The following SBF2 variants were observed in gnomAD, a reference collection of about 807,000 sequenced individuals.
SBF2 encodes myotubularin-related protein 13.
Under a neutral mutation model 225.2 loss-of-function variants are expected in SBF2, and 112 were observed. The observed-to-expected ratio is 0.50, with a 90% CI of 0.43 to 0.58. SBF2 has a LOEUF of 0.58. SBF2 is among the 20% of genes least tolerant of loss of function. The pLI, the probability that SBF2 is intolerant of heterozygous loss-of-function variation, is 0.00. For missense variants in SBF2, 1,996 were observed against 2,206.2 expected (o/e 0.90, Z 1.91); for synonymous variants, 763 against 773.3 (o/e 0.99, Z 0.22).
chr11:10,101,657 CTCTGTG>C (rs1036003034), intron 2 of SBF2, among the ~76,000 whole-genome samples: 2 of 94,174 alleles, frequency 2.1e-5, no homozygotes, highest in Non-Finnish European at 4.7e-5. Flanking sequence ...CTCTCTCTCG[CTCTGTG>C]TGTGTGTGTG....
At chr11:10,028,169 C>T (rs947454308) in intron 6 of SBF2, among the ~76,000 whole-genome samples, 1 of 152,068 alleles carries the variant, frequency 6.6e-6, no homozygotes, top group African/African-American at 2.4e-5. Context: ...CTGCCTCGGC[C>T]TCCCAAAGTA....
chr11:10,227,657 C>T (rs935020191), intron 1 of SBF2, among the ~76,000 whole-genome samples: 4 of 152,134 alleles, frequency 2.6e-5, no homozygotes, highest in African/African-American at 9.7e-5. Context: ...TTTCTGAGGG[C>T]TCTGTTCTGT....
intron 2 of SBF2, among the ~76,000 whole-genome samples, chr11:10,064,894 A>G (rs1478557677): frequency 2.0e-5 from 3 of 152,214 alleles, no homozygotes; most frequent in African/African-American, 7.2e-5. Context: ...GAGGATATAG[A>G]CGATCTGAAC....
At chr11:9,976,165 C>T (rs1946675485) in intron 13 of SBF2, among the ~76,000 whole-genome samples, 1 of 151,018 alleles carries the variant, frequency 6.6e-6, no homozygotes, top group Admixed American at 6.6e-5. Context: ...CCTTTGCCTC[C>T]CAGGTTCAAG....
At chr11:9,923,236 G>T (rs905278939) in intron 16 of SBF2, among the ~76,000 whole-genome samples, 1 of 152,002 alleles carries the variant, frequency 6.6e-6, no homozygotes, top group Non-Finnish European at 1.5e-5. Context: ...CTTTATACTA[G>T]ATCTCTCCCT....
At chr11:10,003,588 T>C (rs1208821124) in intron 6 of SBF2, among the ~76,000 whole-genome samples, 1 of 152,040 alleles carries the variant, frequency 6.6e-6, no homozygotes, top group Non-Finnish European at 1.5e-5. Context: ...AGGATGGTCT[T>C]GCTCTCCTGA....
At chr11:9,784,157 GA>G (rs1343599925) in intron 38 of SBF2, among the ~76,000 whole-genome samples, 193 bp downstream of exon 38, 1 of 152,120 alleles carries the variant, frequency 6.6e-6, no homozygotes, top group Non-Finnish European at 1.5e-5. Flanking sequence ...AGCTACTTGG[GA>G]AACTCCCTCA....
intron 2 of SBF2, among the ~76,000 whole-genome samples, chr11:10,179,006 A>G (rs1956604540): frequency 7.1e-6 from 1 of 140,314 alleles, no homozygotes; most frequent in Admixed American, 7.3e-5. Flanking sequence ...ATGGAATACT[A>G]TGCAGCCATA....
In SBF2 at chr11:10,157,449, A is replaced by G. The variant is rs924060942; in HGVS notation, c.141+36453T>C. ...TAATTAAACTAAAGAGCTTCTGCAT[A>G]GCAAAGGTAACTATCAACAAAGTAA... On this transcript the variant is annotated intron_variant, in intron 2 of 39. Transcript: ENST00000256190. Among the ~76,000 whole-genome samples, 7 of 152,266 alleles carry G rather than the reference A, an allele frequency of 4.6e-5. No homozygotes were observed. In the East Asian group the frequency reaches 1.3e-3, roughly 29 times the overall value.
At chr11:9,877,643 G>A (rs1036050590) in intron 17 of SBF2, among the ~76,000 whole-genome samples, 6 of 152,052 alleles carry the variant, frequency 3.9e-5, no homozygotes, top group African/African-American at 9.7e-5. Flanking sequence ...GAGAACATGC[G>A]GTGTTTGGTT....
intron 32 of SBF2, among the ~76,000 whole-genome samples, chr11:9,805,304 C>CT (rs1009899604): frequency 3.3e-5 from 5 of 151,600 alleles, no homozygotes; most frequent in African/African-American, 7.3e-5. Context: ...TTGAGATTGC[C>CT]TTTTTTTTCT....
At chr11:10,195,490 T>C (rs1262423648) in intron 1 of SBF2, among the ~76,000 whole-genome samples, 2 of 152,248 alleles carry the variant, frequency 1.3e-5, no homozygotes, top group African/African-American at 4.8e-5. Context: ...CTAGTTCATA[T>C]GAAATGAAGG....
chr11:9,963,394 C>T (rs10770078), intron 15 of SBF2, among the ~76,000 whole-genome samples: 14 of 151,906 alleles, frequency 9.2e-5, no homozygotes, highest in African/African-American at 2.4e-4. Context: ...GAACTTGGGA[C>T]GTAGAGGCTG....
At chr11:10,212,058 G>C (rs1379238764) in intron 1 of SBF2, among the ~76,000 whole-genome samples, 1 of 152,192 alleles carries the variant, frequency 6.6e-6, no homozygotes, top group East Asian at 1.9e-4. Flanking sequence ...TAATCTCTGA[G>C]ATTCAGGATG....
chr11:10,036,538 G>T (rs1949446896), intron 3 of SBF2, among the ~76,000 whole-genome samples: 1 of 152,080 alleles, frequency 6.6e-6, no homozygotes, highest in Non-Finnish European at 1.5e-5. Flanking sequence ...TAGTTAACAT[G>T]ACAGAATAAG....
chr11:9,999,776 A>G (rs184555346), intron 8 of SBF2, among the ~76,000 whole-genome samples: 1 of 152,360 alleles, frequency 6.6e-6, no homozygotes, highest in African/African-American at 2.4e-5. Flanking sequence ...AAGTATCAAC[A>G]TATAAAGTTA....
At chr11:9,885,573 GT>G (rs1387360768) in intron 17 of SBF2, among the ~76,000 whole-genome samples, 2 of 152,080 alleles carry the variant, frequency 1.3e-5, no homozygotes, top group African/African-American at 4.8e-5. Context: ...AAAAATCACA[GT>G]AGACATTAAA....
chr11:10,269,492 T>C lies in SBF2; in HGVS notation c.55+24523A>G, dbSNP rs182661645. 3.6e-3 allele frequency among the ~76,000 whole-genome samples: 552 copies of C among 152,312 alleles called. 6 individuals carry two copies. The highest frequency in any genetic ancestry group is 0.013 in the African/African-American group (534 of 41,548). ...ATGCCAGGAAGAAAATTCACATATG[T>C]CCATATAAACATACATATCCTTGAC... is the stretch of plus-strand genomic sequence containing the variant. On this transcript the variant is annotated intron_variant, in intron 1 of 39. Transcript: ENST00000256190.
chr11:10,105,775 C>G (rs760014818), intron 2 of SBF2, among the ~76,000 whole-genome samples: 21 of 152,152 alleles, frequency 1.4e-4, no homozygotes, highest in Admixed American at 3.3e-4. Context: ...AAGCAATAGT[C>G]AAATCCAATT....
Sources: gnomAD v4.1 joint callset for allele counts (sites outside exome capture counted in the v4.1 genomes callset) on GRCh38, gnomAD v4.1.1 for gene constraint, MANE v1.5 for transcripts, NCBI Gene and HGNC (gene_info 2026-07-23, HGNC 2026-07-21) for gene names.